PDIA6: variants seen among roughly 807,000 people sequenced by gnomAD.
PDIA6 encodes the protein protein disulfide isomerase family A member 6.
PDIA6 carries 29 observed loss-of-function variants against 58.4 expected under a neutral mutation model. That is an observed-to-expected ratio of 0.50 (90% confidence interval 0.37 to 0.68). The LOEUF (loss-of-function observed/expected upper bound fraction) is 0.68. PDIA6 is among the 30% of genes least tolerant of loss of function. The pLI is 0.00. For synonymous variants in PDIA6, 192 were observed against 202.6 expected, an observed-to-expected ratio of 0.95 and a Z score of 0.44; for missense variants, 480 against 551.0, an observed-to-expected ratio of 0.87 and a Z score of 1.29.
chr2:10,819,588 G>C (rs1426803350), intron 1 of PDIA6, among the ~76,000 whole-genome samples: 1 of 152,208 alleles, frequency 6.6e-6, no homozygotes. Context: ...TCTTTTGTCT[G>C]AAGGACCTGG....
In PDIA6 at chr2:10,797,084, G is replaced by C. The variant is rs771075911; in HGVS notation, c.343C>G (p.Gln115Glu). 1 of 1,613,142 alleles carries C rather than the reference G, an allele frequency of 6.2e-7. No homozygotes were observed. The highest frequency in any genetic ancestry group is 1.1e-5 in the South Asian group (1 of 90,978). Residue 115 changes from glutamine (Q) to glutamate (E), a missense_variant, in exon 4 of 13, where the codon CAA (glutamine) becomes GAA (glutamate). Coordinates refer to ENST00000272227, the MANE Select transcript of PDIA6 (RefSeq NM_005742.4). ...GSNKNRPEDY[Q>E]GGRTGEAIVD... ...AGTAGCTAGGAAAAGTCCTTACCTT[G>C]GTAATCTTCTGGTCTGTTTTTGTTG... is the stretch of plus-strand genomic sequence containing the variant.
At chr2:10,806,678 T>C (rs757572521) in intron 1 of PDIA6, among the ~76,000 whole-genome samples, 3 of 121,512 alleles carry the variant, frequency 2.5e-5, no homozygotes, top group Non-Finnish European at 5.9e-5. Context: ...GGTTAATCTA[T>C]TATCCAAGAA....
At chr2:10,812,450 C>A (rs1667041363) in intron 1 of PDIA6, among the ~76,000 whole-genome samples, 3 of 151,872 alleles carry the variant, frequency 2.0e-5, no homozygotes, top group Admixed American at 1.3e-4. Flanking sequence ...GGCTCCCGCC[C>A]CCCGCGGCTG....
At chr2:10,807,618 T>C (rs1666817059) in intron 1 of PDIA6, among the ~76,000 whole-genome samples, 1 of 152,278 alleles carries the variant, frequency 6.6e-6, no homozygotes, top group Non-Finnish European at 1.5e-5. Context: ...TGGCCTGTGT[T>C]CTCAAGTAGT....
rs1667533416 is a variant in PDIA6, at chr2:10,825,626, T to C, written c.-47-6272A>G. ...TGTATAAGGAATGATTACAACTCAA[T>C]AATAAGAAGACAAAAGAACCAATTT... On this transcript the variant is annotated intron_variant, in intron 1 of 13. Coordinates refer to the PDIA6 transcript ENST00000381611. 2.0e-5 allele frequency among the ~76,000 whole-genome samples: 3 copies of C among 152,290 alleles called. No individual in the cohort carries two copies. The South Asian group carries it at 6.2e-4, about 32-fold the overall frequency.
At chr2:10,828,152 G>T (rs934880004) in intron 1 of PDIA6, among the ~76,000 whole-genome samples, 4 of 152,078 alleles carry the variant, frequency 2.6e-5, no homozygotes, top group Non-Finnish European at 5.9e-5. Flanking sequence ...TTCACACTTG[G>T]TGTTGTGCAT....
At chr2:10,810,241 A>C (rs1462068006) in intron 1 of PDIA6, 12 of 1,404,044 alleles carry the variant, frequency 8.5e-6, no homozygotes, top group Admixed American at 5.9e-5. Flanking sequence ...AGGATAACTT[A>C]CCTAAGATCA....
Position 10,785,070 on chromosome 2 carries a change from A to G in PDIA6, c.1158-40T>C, listed in dbSNP as rs371570055. 3 of 1,305,958 alleles carry G rather than the reference A, an allele frequency of 2.3e-6. No individual in the cohort carries two copies. The African/African-American group carries it at 4.4e-5, about 19-fold the overall frequency. 80.9% of individuals were successfully genotyped at this position (1,305,958 alleles called of 1,614,324 possible). On this transcript the variant is annotated intron_variant, in intron 11 of 12. Coordinates refer to ENST00000272227, the MANE Select transcript of PDIA6 (RefSeq NM_005742.4). ...ACCAAAACACACACACACATTTACA[A>G]TGGACTGCTGGTGCAGAAGAATAAA...
At chr2:10,827,062 G>A (rs1266306765) in intron 1 of PDIA6, among the ~76,000 whole-genome samples, 1 of 152,110 alleles carries the variant, frequency 6.6e-6, no homozygotes, top group Non-Finnish European at 1.5e-5. Context: ...ATTCATATGT[G>A]TCTGATTGAT....
intron 1 of PDIA6, among the ~76,000 whole-genome samples, chr2:10,809,239 G>A (rs1666894922): frequency 6.6e-6 from 1 of 152,162 alleles, no homozygotes; most frequent in Non-Finnish European, 1.5e-5. Flanking sequence ...TTACATATAT[G>A]TTTGCATTAT....
rs913489991 is a variant in PDIA6 at position 10,810,405 on chromosome 2, T to G, written c.19+2273A>C. ...AATAACGTCAGTCCTCTCCTCTTCA[T>G]GCTGTTACAAGCAGGCTGCAGTCAC... On this transcript the variant is annotated intron_variant, in intron 1 of 12. Transcript: ENST00000272227. 6.2e-6 allele frequency: 9 copies of G among 1,458,928 alleles called. No homozygotes were observed. In the African/African-American group the frequency reaches 1.3e-4, roughly 21 times the overall value. 90.4% of individuals were successfully genotyped at this position (1,458,928 alleles called of 1,614,324 possible).
At chr2:10,815,290 A>C (rs556867611), upstream of PDIA6, among the ~76,000 whole-genome samples, 3 of 152,208 alleles carry the variant, frequency 2.0e-5, no homozygotes, top group Admixed American at 6.5e-5. Context: ...TATACGAGCA[A>C]CTGTCTCAGG....
chr2:10,822,379 C>T (rs533228756), intron 1 of PDIA6, among the ~76,000 whole-genome samples: 71 of 152,278 alleles, frequency 4.7e-4, no homozygotes, highest in Middle Eastern at 3.4e-3. Context: ...TCTCCTTCCT[C>T]AGCCTCCCGA....
chr2:10,812,460 G>A (rs1667041925), intron 1 of PDIA6, among the ~76,000 whole-genome samples: 1 of 151,296 alleles, frequency 6.6e-6, no homozygotes, highest in African/African-American at 2.4e-5. Context: ...CCCCGCGGCT[G>A]CGGAAGCCCC....
chr2:10,809,393 A>G (rs62129024), intron 1 of PDIA6, among the ~76,000 whole-genome samples: 74,168 of 151,898 alleles, frequency 0.49, 19,661 homozygotes, highest in South Asian at 0.58. Flanking sequence ...AAGTAAGACT[A>G]AGGCTGGGTG....
At chr2:10,830,264 T>A (rs899734573) in intron 1 of PDIA6, among the ~76,000 whole-genome samples, 2 of 152,116 alleles carry the variant, frequency 1.3e-5, no homozygotes, top group Non-Finnish European at 2.9e-5. Context: ...AATGAATGAA[T>A]GAATGTTGGA....
At chr2:10,794,468 C>T (rs955767466) in intron 4 of PDIA6, among the ~76,000 whole-genome samples, 25 of 128,734 alleles carry the variant, frequency 1.9e-4, no homozygotes, top group South Asian at 2.3e-4. Context: ...AAAAATCTTT[C>T]TTTTTTTTTT....
chr2:10,795,473 C>T (rs561615547), intron 4 of PDIA6, among the ~76,000 whole-genome samples: 59 of 132,860 alleles, frequency 4.4e-4, no homozygotes, highest in Non-Finnish European at 8.4e-4. Context: ...GTGTCCAAGG[C>T]CACATCTTCA....
intron 12 of PDIA6, 80 bp from the exon 13 acceptor site, chr2:10,784,406 C>T (rs1558435113): frequency 4.6e-6 from 5 of 1,096,690 alleles, no homozygotes; most frequent in South Asian, 1.4e-5. Context: ...TATGGAAGAG[C>T]GACTCTCTGG....
Sources: allele counts gnomAD v4.1 joint callset (sites outside exome capture counted in the v4.1 genomes callset), GRCh38; gene constraint gnomAD v4.1.1; transcripts MANE v1.5; gene names NCBI Gene and HGNC (gene_info 2026-07-23, HGNC 2026-07-21).